Variants in HTR2A observed in about 807,000 individuals in gnomAD.
HTR2A encodes the protein 5-HT2 receptor.
Under a neutral mutation model 31.0 loss-of-function variants are expected in HTR2A, and 14 were observed. The ratio of observed to expected loss-of-function variants is 0.45; its 90% CI spans 0.30 to 0.71. HTR2A has a LOEUF of 0.71. HTR2A is among the 30% of genes least tolerant of loss of function. The pLI is 0.09. For missense variants in HTR2A, 442 were observed against 573.3 expected (o/e 0.77, Z 2.34); for synonymous variants, 209 against 225.2 (o/e 0.93, Z 0.64).
intron 3 of HTR2A, among the ~76,000 whole-genome samples, chr13:46,876,752 A>G (rs1289378788): frequency 6.6e-6 from 1 of 152,038 alleles, no homozygotes; most frequent in Non-Finnish European, 1.5e-5. Flanking sequence ...GTGAGAATAT[A>G]TCTGTCAAAC....
intron 3 of HTR2A, among the ~76,000 whole-genome samples, chr13:46,863,483 C>T (rs111454883): frequency 1.7e-4 from 25 of 151,176 alleles, no homozygotes; most frequent in African/African-American, 5.6e-4. Flanking sequence ...ATTAGCTGAG[C>T]GTGGTGGAGT....
chr13:46,893,432 G>T (rs1306245614), intron 2 of HTR2A, among the ~76,000 whole-genome samples: 1 of 152,182 alleles, frequency 6.6e-6, no homozygotes, highest in Non-Finnish European at 1.5e-5. Context: ...CAGGGACCAC[G>T]CTTTGTGAAT....
chr13:46,840,183 T>C (rs1950587337), intron 3 of HTR2A, among the ~76,000 whole-genome samples: 1 of 152,188 alleles, frequency 6.6e-6, no homozygotes, highest in Non-Finnish European at 1.5e-5. Flanking sequence ...AATTTACTAG[T>C]AGTTTGACAG....
intron 2 of HTR2A, among the ~76,000 whole-genome samples, chr13:46,893,040 C>T (rs773802288): frequency 2.6e-5 from 4 of 152,178 alleles, no homozygotes; most frequent in Non-Finnish European, 5.9e-5. Flanking sequence ...ATTATTATAA[C>T]CATCCAGTCC....
At chr13:46,862,446 A>C (rs997977310) in intron 3 of HTR2A, among the ~76,000 whole-genome samples, 6 of 152,230 alleles carry the variant, frequency 3.9e-5, no homozygotes, top group Non-Finnish European at 8.8e-5. Flanking sequence ...ATATTTTGCT[A>C]TCAAGGTTAA....
At chr13:46,863,145 T>TA (rs1283346716) in intron 3 of HTR2A, among the ~76,000 whole-genome samples, 2 of 152,204 alleles carry the variant, frequency 1.3e-5, no homozygotes, top group Admixed American at 1.3e-4. Flanking sequence ...AAGGTGAAAG[T>TA]ATAAATGGTT....
chr13:46,896,866 A>T lies in HTR2A; in HGVS notation c.-521T>A. The T allele has an allele frequency of 2.0e-6, 3 of 1,533,002 alleles. No individual in the cohort carries two copies. Among genetic ancestry groups the T allele is most frequent in the Non-Finnish European group, 2.6e-6 (3 of 1,144,944 alleles). The allele number at this position is 1,533,002 out of a possible 1,614,324, so 95.0% of individuals were successfully genotyped here. On this transcript the variant is annotated 5_prime_UTR_variant, in exon 1 of 4. Coordinates refer to ENST00000542664, the MANE Select transcript of HTR2A (RefSeq NM_000621.5). ...CTGAGCCAGCTCCCGCACTGCTAGG[A>T]TCCTGTTGGCTTCCTCTGGCACGGC...
chr13:46,843,399 T>C (rs1237654073), intron 3 of HTR2A, among the ~76,000 whole-genome samples: 1 of 152,174 alleles, frequency 6.6e-6, no homozygotes, highest in Admixed American at 6.5e-5. Context: ...GGGGAAACTA[T>C]TGTACTGCAG....
chr13:46,856,628 A>G (rs1950740232), intron 3 of HTR2A, among the ~76,000 whole-genome samples: 1 of 152,162 alleles, frequency 6.6e-6, no homozygotes. Context: ...ACTAGGCTGA[A>G]TGGGCCATTT....
At chr13:46,846,021 T>A (rs1950640429) in intron 3 of HTR2A, among the ~76,000 whole-genome samples, 1 of 152,186 alleles carries the variant, frequency 6.6e-6, no homozygotes, top group Non-Finnish European at 1.5e-5. Context: ...CTGTACAGAT[T>A]TGTAGCCTAG....
chr13:46,894,424 C>T (rs1951084316), intron 2 of HTR2A, among the ~76,000 whole-genome samples: 1 of 152,198 alleles, frequency 6.6e-6, no homozygotes, highest in Admixed American at 6.5e-5. Context: ...TAAATGAAAT[C>T]ATTCCGGTGT....
At chr13:46,882,140 A>C (rs1950970482) in intron 3 of HTR2A, among the ~76,000 whole-genome samples, 1 of 152,110 alleles carries the variant, frequency 6.6e-6, no homozygotes. Flanking sequence ...AGATACATGA[A>C]GTTACATGCA....
At chr13:46,847,728 C>G (rs932536104) in intron 3 of HTR2A, among the ~76,000 whole-genome samples, 1 of 152,144 alleles carries the variant, frequency 6.6e-6, no homozygotes, top group Non-Finnish European at 1.5e-5. Flanking sequence ...ATTTGTACCA[C>G]GAGGCCCAAA....
At chr13:46,893,145 T>G (rs1004186693) in intron 2 of HTR2A, among the ~76,000 whole-genome samples, 1 of 152,198 alleles carries the variant, frequency 6.6e-6, no homozygotes, top group Non-Finnish European at 1.5e-5. Context: ...TGAAAAATAA[T>G]GATCTAATAA....
intron 3 of HTR2A, among the ~76,000 whole-genome samples, chr13:46,873,092 T>G (rs1950876600): frequency 6.6e-6 from 1 of 152,114 alleles, no homozygotes; most frequent in African/African-American, 2.4e-5. Context: ...AGACAAATTC[T>G]CATTCAAAGG....
intron 3 of HTR2A, among the ~76,000 whole-genome samples, chr13:46,850,620 G>C (rs539497640): frequency 1.3e-5 from 2 of 152,142 alleles, no homozygotes; most frequent in African/African-American, 2.4e-5. Flanking sequence ...GCTGCTCAAG[G>C]CTGGCTCTTA....
intron 2 of HTR2A, among the ~76,000 whole-genome samples, chr13:46,893,958 T>C (rs1279875273): frequency 6.6e-6 from 1 of 152,238 alleles, no homozygotes; most frequent in Non-Finnish European, 1.5e-5. Flanking sequence ...ATGTATTATT[T>C]GCAAAGAGCT....
At chr13:46,835,666 G>A in intron 3 of HTR2A, 27 bp from the exon 4 acceptor site, 2 of 1,529,274 alleles carry the variant, frequency 1.3e-6, no homozygotes, top group South Asian at 2.4e-5. Flanking sequence ...AATGAAACAT[G>A]ATTATTAAGG....
At chr13:46,842,393 G>T (rs529502932) in intron 3 of HTR2A, among the ~76,000 whole-genome samples, 1 of 152,314 alleles carries the variant, frequency 6.6e-6, no homozygotes, top group East Asian at 1.9e-4. Context: ...AAAGCTTGGA[G>T]AATGAGTCTT....
Sources: allele counts gnomAD v4.1 joint callset (sites outside exome capture counted in the v4.1 genomes callset), GRCh38; gene constraint gnomAD v4.1.1; transcripts MANE v1.5; gene names NCBI Gene and HGNC (gene_info 2026-07-23, HGNC 2026-07-21).